The following DSG3 variants were observed in gnomAD, a reference collection of about 807,000 sequenced individuals.
DSG3 encodes desmoglein 3.
Under a neutral mutation model 85.9 loss-of-function variants are expected in DSG3, and 63 were observed. That is an observed-to-expected ratio of 0.73 (90% CI 0.60 to 0.90). DSG3 has a LOEUF of 0.90. Ranked by LOEUF, DSG3 falls within the 40% of genes least tolerant of loss-of-function variation. DSG3 has a pLI of 0.00. For synonymous variants in DSG3, 447 were observed against 441.9 expected (o/e 1.01, Z -0.14); for missense variants, 1,220 against 1,219.9 (o/e 1.00, Z 0.00).
intron 8 of DSG3, among the ~76,000 whole-genome samples, chr18:31,463,878 G>T (rs138963145): frequency 6.6e-6 from 1 of 152,230 alleles, no homozygotes; most frequent in African/African-American, 2.4e-5. Context: ...AGACTATGAT[G>T]ATGTCTTTCT....
chr18:31,459,010 C>T (rs1205192016), intron 4 of DSG3, 23 bp from the exon 5 acceptor site: 2 of 1,611,222 alleles, frequency 1.2e-6, no homozygotes, highest in South Asian at 1.1e-5. Context: ...GAGTAATACT[C>T]CACATTTTCC....
In DSG3 at chr18:31,456,423, TA is replaced by T; in HGVS notation, c.49-16del. ...GAAGAATTCACATTTAATTCGACTTTATTTAAATGTCTGCAGGTGGTCATAT... is the reference window on the plus strand; with the variant it reads ...GAAGAATTCACATTTAATTCGACTTTTTTAAATGTCTGCAGGTGGTCATAT... On this transcript the variant is annotated splice_polypyrimidine_tract_variant and intron_variant, in intron 1 of 15. Coordinates refer to ENST00000257189, the MANE Select transcript of DSG3 (RefSeq NM_001944.3). 1 of 1,348,438 alleles carries T rather than the reference TA, an allele frequency of 7.4e-7. No homozygotes were observed. Among genetic ancestry groups the T allele is most frequent in the Non-Finnish European group, 9.6e-7 (1 of 1,039,962 alleles). 83.5% of individuals were successfully genotyped at this position (1,348,438 alleles called of 1,614,324 possible).
At position 31,470,729 on chromosome 18, in the gene DSG3, C is replaced by T. The variant is rs151022052; in HGVS notation, c.1897+1380C>T. On this transcript the variant is annotated intron_variant, in intron 12 of 15. Transcript: ENST00000257189. ...GGAATAGAGGAATCATTCAATTGAG[C>T]CTTGAAGAATGATTAGGATATAATC... is the stretch of plus-strand genomic sequence containing the variant. 2.4e-3 allele frequency among the ~76,000 whole-genome samples: 358 copies of T among 152,120 alleles called. 3 individuals are homozygous for T. Among genetic ancestry groups the T allele is most frequent in the African/African-American group, 8.5e-3 (351 of 41,492 alleles).
chr18:31,452,250 G>C (rs145397944), intron 1 of DSG3, among the ~76,000 whole-genome samples: 1 of 152,250 alleles, frequency 6.6e-6, no homozygotes, highest in East Asian at 1.9e-4. Flanking sequence ...GCTGGGTGTG[G>C]TGGCTCATGC....
chr18:31,462,093 G>A (rs527295859), intron 8 of DSG3, among the ~76,000 whole-genome samples: 1 of 150,158 alleles, frequency 6.7e-6, no homozygotes, highest in Admixed American at 6.6e-5. Flanking sequence ...TTTTTTTTGA[G>A]ACAAGGTCTC....
chr18:31,469,424 T>C, intron 12 of DSG3, 75 bp downstream of exon 12: 1 of 1,567,364 alleles, frequency 6.4e-7, no homozygotes, highest in Non-Finnish European at 8.7e-7. Context: ...GCCCTGCTCA[T>C]CTGTGCAATG....
Position 31,476,515 on chromosome 18 carries a change from A to G in DSG3, c.*255A>G, listed in dbSNP as rs987447521. ...TCAAAACCCTAAAATCATATTCGCCAGGAAATTTTCCTAAACATTCTTAAG... is the reference window on the plus strand; with the variant it reads ...TCAAAACCCTAAAATCATATTCGCCGGGAAATTTTCCTAAACATTCTTAAG... On this transcript the variant is annotated 3_prime_UTR_variant, in exon 16 of 16. Transcript: ENST00000257189. 4 of 365,906 alleles carry G rather than the reference A, an allele frequency of 1.1e-5. No individual in the cohort carries two copies. The highest frequency in any genetic ancestry group is 8.4e-5 in the African/African-American group (4 of 47,840). The allele number at this position is 365,906 out of a possible 1,614,324, so 22.7% of individuals were successfully genotyped here. A position where few individuals can be genotyped will look rare whatever the true frequency, so the allele number is the denominator to read the frequency against.
In DSG3 at chr18:31,459,189, A is replaced by C; in HGVS notation, c.517+12A>C. ...AAATAGTGCCTCAAGTAAGTCTTTT[A>C]CAGTACTTACCACTTTCAGTTTATC... On this transcript the variant is annotated intron_variant, in intron 5 of 15. Transcript: ENST00000257189. 6.2e-7 allele frequency: 1 copy of C among 1,608,618 alleles called. No homozygotes were observed. The highest frequency in any genetic ancestry group is 8.5e-7 in the Non-Finnish European group (1 of 1,178,560).
rs568597787 is a variant in DSG3, at chr18:31,475,701, T to C, written c.2441T>C (p.Leu814Ser). 6.2e-7 allele frequency: 1 copy of C among 1,614,174 alleles called. No individual in the cohort carries two copies. Among genetic ancestry groups the C allele is most frequent in the South Asian group, 1.1e-5 (1 of 91,080 alleles). ...DDGQEANDCL[L>S]IYDNEGADAT... The stretch of plus-strand genomic sequence containing the variant: ...GGCCAGGAAGCAAATGACTGCTTGT[T>C]GATCTATGATAATGAAGGCGCAGAT... The change falls in exon 16 of 16, where the codon TTG (leucine) becomes TCG (serine). Residue 814 changes from leucine to serine, a missense_variant. Physicochemically the swap from Leu to Ser is moderately radical, Grantham distance 145. Coordinates refer to ENST00000257189, the MANE Select transcript of DSG3 (RefSeq NM_001944.3).
chr18:31,460,185 G>T (rs777783305), intron 6 of DSG3, among the ~76,000 whole-genome samples, 174 bp downstream of exon 6: 1 of 152,220 alleles, frequency 6.6e-6, no homozygotes, highest in Non-Finnish European at 1.5e-5. Flanking sequence ...GGTGAGGCGA[G>T]ATGTGTACCG....
rs1027908653 is a variant in DSG3, at chr18:31,459,876, T to C, written c.549T>C (p.Asp183=). ...TGGTGATGATACTAAATGCCACAGATGCAGATGAACCAAACCACTTGAATT... is the reference window on the plus strand; with the variant it reads ...TGGTGATGATACTAAATGCCACAGACGCAGATGAACCAAACCACTTGAATT... ...NSLVMILNAT[D]ADEPNHLNSK... Residue 183 remains aspartate, a synonymous_variant, in exon 6 of 16, where the codon GAT becomes GAC. Coordinates refer to ENST00000257189, the MANE Select transcript of DSG3 (RefSeq NM_001944.3). 1.9e-6 allele frequency: 3 copies of C among 1,614,124 alleles called. No individual in the cohort carries two copies. Among genetic ancestry groups the C allele is most frequent in the East Asian group, 4.5e-5 (2 of 44,882 alleles).
chr18:31,470,412 G>C (rs2072848701), intron 12 of DSG3, among the ~76,000 whole-genome samples: 1 of 152,034 alleles, frequency 6.6e-6, no homozygotes, highest in Non-Finnish European at 1.5e-5. Context: ...TGCCACACAT[G>C]CTATATTTTT....
At chr18:31,467,473 C>T (rs150964619) in intron 11 of DSG3, among the ~76,000 whole-genome samples, 1 of 152,324 alleles carries the variant, frequency 6.6e-6, no homozygotes, top group Non-Finnish European at 1.5e-5. Flanking sequence ...GCTCAAGGCT[C>T]ACAGGGAGTG....
intron 1 of DSG3, among the ~76,000 whole-genome samples, chr18:31,450,054 T>C (rs1402813328): frequency 1.3e-5 from 2 of 152,250 alleles, no homozygotes; most frequent in Non-Finnish European, 2.9e-5. Context: ...ATTTCACCTT[T>C]TAAAAACGTT....
Position 31,459,926 on chromosome 18 carries a change from C to T in DSG3, c.599C>T (p.Ser200Phe). The T allele has an allele frequency of 6.2e-7, 1 of 1,614,074 alleles. No individual in the cohort carries two copies. Among genetic ancestry groups the T allele is most frequent in the Non-Finnish European group, 8.5e-7 (1 of 1,179,994 alleles). Residue 200 changes from serine (S) to phenylalanine (F), a missense_variant, in exon 6 of 16, where the codon TCT becomes TTT. Physicochemically the swap from Ser to Phe is radical, Grantham distance 155. Transcript: ENST00000257189. ...LNSKIAFKIV[S>F]QEPAGTPMFL... ...TCTAAAATTGCCTTCAAAATTGTCTCTCAGGAACCAGCAGGCACACCCATG... is the reference window on the plus strand; with the variant it reads ...TCTAAAATTGCCTTCAAAATTGTCTTTCAGGAACCAGCAGGCACACCCATG...
intron 1 of DSG3, 115 bp downstream of exon 1, chr18:31,448,040 AT>A (rs2072689167): frequency 2.9e-6 from 2 of 683,758 alleles, no homozygotes; most frequent in Non-Finnish European, 4.3e-6. Flanking sequence ...TGCAGTGGAA[AT>A]CAACACTTTG....
intron 12 of DSG3, among the ~76,000 whole-genome samples, chr18:31,470,759 T>TA (rs1432039814): frequency 6.6e-6 from 1 of 152,156 alleles, no homozygotes; most frequent in Non-Finnish European, 1.5e-5. Flanking sequence ...ATAATCAGTA[T>TA]AAAAAATGGA....
chr18:31,466,161 G>A (rs1568089543), intron 10 of DSG3, among the ~76,000 whole-genome samples: 1 of 152,006 alleles, frequency 6.6e-6, no homozygotes, highest in African/African-American at 2.4e-5. Flanking sequence ...AATAAAAAAT[G>A]TGTGCTTTAG....
In DSG3 at chr18:31,464,370, C is replaced by T. The variant is rs1357558296; in HGVS notation, c.1259C>T (p.Ala420Val). ...QAIDEDTNKAASNVKYVMGRN... is the reference protein window; with the variant it reads ...QAIDEDTNKAVSNVKYVMGRN... ...ATCGATGAGGACACTAACAAAGCTGCCTCAAATGTCAAGTAAGACTATTTT... is the reference window on the plus strand; with the variant it reads ...ATCGATGAGGACACTAACAAAGCTGTCTCAAATGTCAAGTAAGACTATTTT... Residue 420 changes from alanine (A) to valine (V), a missense_variant, in exon 9 of 16, where the codon GCC becomes GTC. Coordinates refer to ENST00000257189, the MANE Select transcript of DSG3 (RefSeq NM_001944.3). The T allele has an allele frequency of 6.2e-7, 1 of 1,606,690 alleles. No homozygotes were observed. Among genetic ancestry groups the T allele is most frequent in the Non-Finnish European group, 8.5e-7 (1 of 1,176,028 alleles).
Sources: gnomAD v4.1 joint callset for allele counts (sites outside exome capture counted in the v4.1 genomes callset) on GRCh38, gnomAD v4.1.1 for gene constraint, MANE v1.5 for transcripts, NCBI Gene and HGNC (gene_info 2026-07-23, HGNC 2026-07-21) for gene names.